The following DTD1 variants were observed in gnomAD, a reference collection of about 807,000 sequenced individuals.
The protein encoded by DTD1 is D-tyrosyl-tRNA deacylase 1 homolog.
Under a neutral mutation model 25.6 loss-of-function variants are expected in DTD1, and 13 were observed. The observed-to-expected ratio is 0.51, with a 90% CI of 0.33 to 0.81. DTD1 has a LOEUF of 0.81. DTD1 is among the 30% of genes least tolerant of loss of function. DTD1 has a pLI of 0.02. For synonymous variants in DTD1, 110 were observed against 103.6 expected (o/e 1.06, Z -0.37); for missense variants, 193 against 266.4 (o/e 0.72, Z 1.92).
intron 4 of DTD1, among the ~76,000 whole-genome samples, chr20:18,735,594 G>A (rs1176117420): frequency 1.3e-5 from 2 of 152,220 alleles, no homozygotes; most frequent in Admixed American, 1.3e-4. Flanking sequence ...AATCTAAGGG[G>A]TCATTTATTT....
intron 4 of DTD1, among the ~76,000 whole-genome samples, chr20:18,642,016 A>T (rs2060830575): frequency 6.6e-6 from 1 of 152,184 alleles, no homozygotes. Context: ...TAGATATTTG[A>T]TCCATTTTGA....
intron 4 of DTD1, among the ~76,000 whole-genome samples, chr20:18,702,525 G>A (rs957777405): frequency 1.1e-4 from 16 of 152,142 alleles, no homozygotes; most frequent in Admixed American, 2.0e-4. Context: ...ACTAGAGACC[G>A]CAGAGACATT....
chr20:18,623,018 C>T (rs986071817), intron 3 of DTD1, among the ~76,000 whole-genome samples: 2 of 145,602 alleles, frequency 1.4e-5, no homozygotes, highest in African/African-American at 5.1e-5. Context: ...CGGCTCATTG[C>T]GACCTCCGCC....
At chr20:18,704,024 G>A (rs189697606) in intron 4 of DTD1, among the ~76,000 whole-genome samples, 2,150 of 144,962 alleles carry the variant, frequency 0.015, 17 homozygotes, top group Non-Finnish European at 0.024. Context: ...TTTTTGAGAC[G>A]GAGTCTCGCT....
chr20:18,663,061 T>G (rs773745614), intron 4 of DTD1, among the ~76,000 whole-genome samples: 4 of 152,184 alleles, frequency 2.6e-5, no homozygotes, highest in Non-Finnish European at 5.9e-5. Flanking sequence ...TCCCTGCCCC[T>G]TTGGTATCCT....
chr20:18,653,261 G>A (rs1206068704), intron 4 of DTD1, among the ~76,000 whole-genome samples: 1 of 152,098 alleles, frequency 6.6e-6, no homozygotes, highest in African/African-American at 2.4e-5. Flanking sequence ...GGGTATTATG[G>A]CATATGCCTA....
At chr20:18,710,025 A>C (rs976073657) in intron 4 of DTD1, among the ~76,000 whole-genome samples, 1 of 152,184 alleles carries the variant, frequency 6.6e-6, no homozygotes, top group African/African-American at 2.4e-5. Flanking sequence ...TGAGAGCACC[A>C]TGTATTCACT....
intron 4 of DTD1, among the ~76,000 whole-genome samples, chr20:18,743,108 T>G (rs563968825): frequency 6.6e-6 from 1 of 152,342 alleles, no homozygotes; most frequent in East Asian, 1.9e-4. Flanking sequence ...TGATGGAAGC[T>G]TCTTTCAGCC....
intron 4 of DTD1, among the ~76,000 whole-genome samples, chr20:18,638,621 C>A (rs1284339892): frequency 3.3e-5 from 5 of 152,096 alleles, no homozygotes; most frequent in Middle Eastern, 3.2e-3. Context: ...GGGAGAGGGG[C>A]AGAACCTGAG....
intron 3 of DTD1, among the ~76,000 whole-genome samples, chr20:18,601,414 G>A (rs563977426): frequency 2.4e-4 from 36 of 150,936 alleles, no homozygotes; most frequent in South Asian, 8.4e-4. Context: ...CAGGAGTATC[G>A]CTTGAACGTG....
chr20:18,756,885 ATTC>A (rs2061341671), intron 5 of DTD1, among the ~76,000 whole-genome samples: 3 of 151,166 alleles, frequency 2.0e-5, no homozygotes, highest in Non-Finnish European at 4.4e-5. Flanking sequence ...CACAATATTG[ATTC>A]TTCCTACCCA....
At chr20:18,690,614 G>T (rs2061042117) in intron 4 of DTD1, among the ~76,000 whole-genome samples, 1 of 152,122 alleles carries the variant, frequency 6.6e-6, no homozygotes, top group Admixed American at 6.5e-5. Context: ...TTTCCCCATT[G>T]CTTATTTTTG....
intron 4 of DTD1, among the ~76,000 whole-genome samples, chr20:18,638,675 C>A (rs1218022105): frequency 6.6e-6 from 1 of 152,134 alleles, no homozygotes; most frequent in Non-Finnish European, 1.5e-5. Flanking sequence ...GCCTCATGGG[C>A]CAAGGTAAGG....
intron 4 of DTD1, among the ~76,000 whole-genome samples, chr20:18,635,286 G>A (rs2060802635): frequency 6.6e-6 from 1 of 152,246 alleles, no homozygotes; most frequent in Admixed American, 6.5e-5. Flanking sequence ...CAAAACAGAA[G>A]TGGGAACTCA....
chr20:18,616,425 G>T (rs1309441488), intron 3 of DTD1, among the ~76,000 whole-genome samples: 4 of 152,070 alleles, frequency 2.6e-5, no homozygotes, highest in Admixed American at 6.6e-5. Context: ...TTAGTTGATT[G>T]TCTATTGTGA....
Position 18,749,460 on chromosome 20 carries a change from A to T in DTD1, c.*19+5189A>T, listed in dbSNP as rs1013898085. Among the ~76,000 whole-genome samples the T allele has an allele frequency of 6.6e-6, 1 of 152,096 alleles. No individual in the cohort carries two copies. The highest frequency in any genetic ancestry group is 1.5e-5 in the Non-Finnish European group (1 of 68,004). ...GTGAGGTGAGCCTGCTGCAGAAGCC[A>T]TGAGGGGGCAGCTTCATTAGGAGGT... On this transcript the variant is annotated intron_variant, in intron 5 of 5. Coordinates refer to ENST00000377452, the MANE Select transcript of DTD1 (RefSeq NM_080820.6). The surrounding 1 kb of genome is among the most constrained non-coding windows in gnomAD (Gnocchi z 4.2).
intron 4 of DTD1, among the ~76,000 whole-genome samples, chr20:18,708,333 T>TA (rs1491534685): frequency 4.1e-5 from 3 of 73,178 alleles, no homozygotes; most frequent in African/African-American, 1.0e-4. Flanking sequence ...TATATATATA[T>TA]TTTATATATA....
At chr20:18,661,662 C>T (rs1175902150) in intron 4 of DTD1, among the ~76,000 whole-genome samples, 2 of 152,198 alleles carry the variant, frequency 1.3e-5, no homozygotes, top group East Asian at 1.9e-4. Context: ...TGAGCCACTG[C>T]ACCCAGCTGA....
intron 5 of DTD1, among the ~76,000 whole-genome samples, chr20:18,750,256 C>T (rs1332220988): frequency 6.6e-6 from 1 of 152,218 alleles, no homozygotes; most frequent in Non-Finnish European, 1.5e-5. Flanking sequence ...AATTTGTCAT[C>T]CCAGTAGGCC....
Sources: allele counts gnomAD v4.1 joint callset (sites outside exome capture counted in the v4.1 genomes callset), GRCh38; gene constraint gnomAD v4.1.1; non-coding constraint Gnocchi (gnomAD v3.1); transcripts MANE v1.5; gene names NCBI Gene and HGNC (gene_info 2026-07-23, HGNC 2026-07-21).